PACRG: variants seen among roughly 807,000 people sequenced by gnomAD.
The protein encoded by PACRG is parkin coregulated.
A neutral mutation model predicts 29.7 loss-of-function variants in PACRG; 29 were observed. That is an observed-to-expected ratio of 0.98 (90% CI 0.73 to 1.33). The LOEUF (loss-of-function observed/expected upper bound fraction) is 1.33. PACRG is among the 40% of genes most tolerant of loss of function. The probability of loss-of-function intolerance (pLI) is 0.00; values close to 1 mark genes in which losing one functional copy is unlikely to be tolerated. For missense variants in PACRG, 279 were observed against 316.2 expected (o/e 0.88, Z 0.89); for synonymous variants, 116 against 118.7 (o/e 0.98, Z 0.15).
intron 3 of PACRG, among the ~76,000 whole-genome samples, chr6:163,085,658 G>T (rs535149689): frequency 6.6e-6 from 1 of 152,182 alleles, no homozygotes; most frequent in Non-Finnish European, 1.5e-5. Context: ...AGTCCCTAGC[G>T]CGCTGCTTCC....
At chr6:163,114,924 C>A (rs955747880) in intron 4 of PACRG, among the ~76,000 whole-genome samples, 5 of 150,896 alleles carry the variant, frequency 3.3e-5, no homozygotes, top group African/African-American at 1.2e-4. Context: ...TTATGATAAT[C>A]ATTTCACAAT....
intron 2 of PACRG, among the ~76,000 whole-genome samples, chr6:162,825,546 C>A (rs1373778897): frequency 6.6e-6 from 1 of 152,076 alleles, no homozygotes. Context: ...AATATCAATT[C>A]TGGAATTTAT....
In PACRG at chr6:162,783,787, AG is replaced by A. The variant is rs1394980564; in HGVS notation, c.157-30359del. 2.0e-5 allele frequency among the ~76,000 whole-genome samples: 3 copies of A among 152,166 alleles called. No homozygotes were observed. In the East Asian group the frequency reaches 5.8e-4, roughly 29 times the overall value. On this transcript the variant is annotated intron_variant, in intron 1 of 4. Coordinates refer to ENST00000366888, the MANE Select transcript of PACRG (RefSeq NM_001080379.2). ...ACCTATTGTTAAACTTCCCTCTAAAAGTATTGTACTTGATTTGGAGTCCCTC... is the reference window on the plus strand; with the variant it reads ...ACCTATTGTTAAACTTCCCTCTAAAATATTGTACTTGATTTGGAGTCCCTC...
rs569944009 is a variant in PACRG at position 163,055,438 on chromosome 6, G to A, written c.292-6712G>A. Reference sequence around the variant, plus strand: ...CGCAAACAAGCGCCTGAGGATAAACGTAATATAAGAGGGATTACCAAAGCC... The same window carrying A: ...CGCAAACAAGCGCCTGAGGATAAACATAATATAAGAGGGATTACCAAAGCC... On this transcript the variant is annotated intron_variant, in intron 2 of 4. Transcript: ENST00000366888. The surrounding 1 kb of genome is among the most constrained non-coding windows in gnomAD (Gnocchi z 4.0). 2.0e-5 allele frequency among the ~76,000 whole-genome samples: 3 copies of A among 151,948 alleles called. No homozygotes were observed. Among genetic ancestry groups the A allele is most frequent in the South Asian group, 2.1e-4 (1 of 4,796 alleles).
At chr6:163,145,839 A>AG (rs1407598858) in intron 4 of PACRG, among the ~76,000 whole-genome samples, 2 of 152,162 alleles carry the variant, frequency 1.3e-5, no homozygotes, top group African/African-American at 2.4e-5. Context: ...GGGTGTGTCT[A>AG]GGGGGCACTG....
chr6:163,042,298 A>C (rs1808810917), intron 2 of PACRG, among the ~76,000 whole-genome samples: 1 of 152,160 alleles, frequency 6.6e-6, no homozygotes, highest in Admixed American at 6.5e-5. Flanking sequence ...AGAAATTTAG[A>C]GCTGGAAAGA....
intron 2 of PACRG, among the ~76,000 whole-genome samples, chr6:162,951,994 C>G (rs904532097): frequency 7.9e-5 from 12 of 152,134 alleles, no homozygotes; most frequent in African/African-American, 2.9e-4. Flanking sequence ...GAGAGAAATG[C>G]TCTGTGCATT....
intron 2 of PACRG, among the ~76,000 whole-genome samples, chr6:163,043,569 G>C (rs904744397): frequency 1.6e-4 from 24 of 151,980 alleles, no homozygotes; most frequent in African/African-American, 5.8e-4. Context: ...AAAATCATCA[G>C]TTCGAGACTA....
intron 4 of PACRG, among the ~76,000 whole-genome samples, chr6:163,128,251 A>G (rs1816594853): frequency 6.6e-6 from 1 of 152,244 alleles, no homozygotes; most frequent in Non-Finnish European, 1.5e-5. Flanking sequence ...TGTAAATGGA[A>G]AATGAGTTTA....
At chr6:163,122,676 G>A (rs1291768176) in intron 4 of PACRG, among the ~76,000 whole-genome samples, 1 of 152,060 alleles carries the variant, frequency 6.6e-6, no homozygotes, top group Non-Finnish European at 1.5e-5. Flanking sequence ...CTGCAGAATC[G>A]GAAGACAAAA....
In PACRG at chr6:163,026,349, A is replaced by G. The variant is rs181136242; in HGVS notation, c.292-35801A>G. On this transcript the variant is annotated intron_variant, in intron 2 of 4. Coordinates refer to ENST00000366888, the MANE Select transcript of PACRG (RefSeq NM_001080379.2). ...TTTCACACTTATTTATGTTTTCCCAAAAATTATTTTGGTGCAGTTTAACTA... is the reference window on the plus strand; with the variant it reads ...TTTCACACTTATTTATGTTTTCCCAGAAATTATTTTGGTGCAGTTTAACTA... Among the ~76,000 whole-genome samples, 54 of 152,362 alleles carry G rather than the reference A, an allele frequency of 3.5e-4. No homozygotes were observed. In the East Asian group the frequency reaches 9.8e-3, roughly 28 times the overall value.
At chr6:163,269,866 A>G (rs1362405445) in intron 4 of PACRG, among the ~76,000 whole-genome samples, 838 of 62,618 alleles carry the variant, frequency 0.013, 89 homozygotes, top group African/African-American at 0.067. Flanking sequence ...AGAGAAAGAA[A>G]GAGAAAGAAA....
chr6:162,826,724 A>G (rs1315958359), intron 2 of PACRG, among the ~76,000 whole-genome samples: 10 of 152,058 alleles, frequency 6.6e-5, no homozygotes, highest in African/African-American at 2.4e-4. Context: ...CAGCCTCCCA[A>G]AGTGCTGGGA....
chr6:162,957,356 T>C lies in PACRG; in HGVS notation c.292-104794T>C, dbSNP rs1000659407. ...GCACTCATGGAACCACCACAGGCCC[T>C]GCTGACATGTTTTTTTGTTTTGGAC... On this transcript the variant is annotated intron_variant, in intron 2 of 4. Transcript: ENST00000366888. 13 of 616,924 alleles carry C rather than the reference T, an allele frequency of 2.1e-5. No homozygotes were observed. The South Asian group carries it at 2.5e-4, about 12-fold the overall frequency. 38.2% of individuals were successfully genotyped at this position (616,924 alleles called of 1,614,324 possible). A position where few individuals can be genotyped will look rare whatever the true frequency, so the allele number is the denominator to read the frequency against.
intron 3 of PACRG, among the ~76,000 whole-genome samples, chr6:163,075,521 G>A (rs1009951167): frequency 1.3e-5 from 2 of 151,942 alleles, no homozygotes; most frequent in East Asian, 3.9e-4. Flanking sequence ...CTAACAAATA[G>A]AATCCATCAA....
At chr6:162,942,303 T>A (rs961526469) in intron 2 of PACRG, among the ~76,000 whole-genome samples, 16 of 152,214 alleles carry the variant, frequency 1.1e-4, no homozygotes, top group African/African-American at 3.9e-4. Flanking sequence ...CTGGTATTGC[T>A]TTCAATATGA....
intron 3 of PACRG, among the ~76,000 whole-genome samples, chr6:163,088,633 G>C (rs957088830): frequency 2.6e-5 from 4 of 152,134 alleles, no homozygotes; most frequent in Admixed American, 2.0e-4. Context: ...TGTTTCTTTA[G>C]AACTGTCATA....
intron 4 of PACRG, among the ~76,000 whole-genome samples, chr6:163,290,645 A>C (rs10455921): frequency 0.25 from 38,156 of 152,112 alleles, 5,509 homozygotes; most frequent in East Asian, 0.36. Flanking sequence ...CACCTGCCTC[A>C]CAGTTGAGTT....
At chr6:163,268,346 G>A (rs924850740) in intron 4 of PACRG, among the ~76,000 whole-genome samples, 2 of 148,818 alleles carry the variant, frequency 1.3e-5, no homozygotes, top group East Asian at 4.0e-4. Context: ...AGCTTGCAGT[G>A]AGCCAAGAAT....
Sources: allele counts gnomAD v4.1 joint callset (sites outside exome capture counted in the v4.1 genomes callset), GRCh38; gene constraint gnomAD v4.1.1; non-coding constraint Gnocchi (gnomAD v3.1); transcripts MANE v1.5; gene names NCBI Gene and HGNC (gene_info 2026-07-23, HGNC 2026-07-21).